PTPN5: variants seen among roughly 807,000 people sequenced by gnomAD.
PTPN5 encodes tyrosine-protein phosphatase non-receptor type 5.
PTPN5 carries 29 observed loss-of-function variants against 73.9 expected under a neutral mutation model. That is an observed-to-expected ratio of 0.39 (90% CI 0.29 to 0.54). PTPN5 has a LOEUF of 0.54. Among genes scored for constraint, PTPN5 ranks in the 20% least tolerant of loss-of-function variants. The pLI is 0.65. For missense variants in PTPN5, 652 were observed against 751.4 expected (o/e 0.87, Z 1.55); for synonymous variants, 267 against 304.7 (o/e 0.88, Z 1.29).
Position 18,790,090 on chromosome 11 carries a change from A to C in PTPN5, c.-114+1435T>G, listed in dbSNP as rs530345680. Among the ~76,000 whole-genome samples the C allele has an allele frequency of 2.0e-5, 3 of 151,158 alleles. No individual in the cohort carries two copies. In the South Asian group the frequency reaches 6.4e-4, roughly 32 times the overall value. On this transcript the variant is annotated intron_variant, in intron 1 of 14. Transcript: ENST00000358540. Reference sequence around the variant, plus strand: ...CCGTCTATGCTTGTACTCCTTCAACACATCTCTCGGGGCACCCTCTCTGCA... The same window carrying C: ...CCGTCTATGCTTGTACTCCTTCAACCCATCTCTCGGGGCACCCTCTCTGCA...
At chr11:18,752,800 G>C (rs1013996154) in intron 3 of PTPN5, among the ~76,000 whole-genome samples, 7 of 152,230 alleles carry the variant, frequency 4.6e-5, no homozygotes, top group African/African-American at 1.4e-4. Flanking sequence ...GACAGCAGAG[G>C]CCCTGCGGCA....
At chr11:18,775,151 A>G (rs2134332444) in intron 1 of PTPN5, among the ~76,000 whole-genome samples, 1 of 152,310 alleles carries the variant, frequency 6.6e-6, no homozygotes. Context: ...AAGTAAAGTG[A>G]CCTGCCTAAG....
At chr11:18,791,176 C>G (rs909874631) in intron 1 of PTPN5, among the ~76,000 whole-genome samples, 4 of 152,240 alleles carry the variant, frequency 2.6e-5, no homozygotes, top group African/African-American at 9.6e-5. Flanking sequence ...GCTTCAGGCT[C>G]CGGAGAGGCG....
At chr11:18,735,973 G>A (rs900599141) in intron 9 of PTPN5, among the ~76,000 whole-genome samples, 1 of 152,138 alleles carries the variant, frequency 6.6e-6, no homozygotes, top group African/African-American at 2.4e-5. Flanking sequence ...AGGATCACAG[G>A]GCTGTCCAGC....
At chr11:18,749,587 T>C (rs1481998574) in intron 3 of PTPN5, 2 of 489,602 alleles carry the variant, frequency 4.1e-6, no homozygotes, top group Non-Finnish European at 8.2e-6. Context: ...ATACATGTAG[T>C]ATGGAGGGAA....
At position 18,742,298 on chromosome 11, in the gene PTPN5, G is replaced by A. The variant is rs764947318; in HGVS notation, c.689C>T (p.Thr230Ile). The A allele has an allele frequency of 7.4e-6, 12 of 1,614,048 alleles. No homozygotes were observed. In the Admixed American group the frequency reaches 1.5e-4, roughly 20 times the overall value. The change falls in exon 7 of 15, where the codon ACC becomes ATC. Residue 230 changes from threonine (T) to isoleucine (I), a missense_variant. This residue lies in a region of PTPN5 where 529 missense variants were observed against 573.9 expected (regional missense o/e 0.92). Coordinates refer to ENST00000358540, the MANE Select transcript of PTPN5 (RefSeq NM_006906.2). The surrounding 1 kb of genome is among the most constrained non-coding windows in gnomAD (Gnocchi z 4.1). ...VMDIKPEADPTSLTVKSMGLQ... is the reference protein window; with the variant it reads ...VMDIKPEADPISLTVKSMGLQ... The stretch of plus-strand genomic sequence containing the variant: ...ACCCATGGACTTGACGGTGAGTGAG[G>A]TGGGGTCAGCCTCAGGCTTGATGTC...
At chr11:18,757,744 C>A (rs762374901) in intron 3 of PTPN5, among the ~76,000 whole-genome samples, 1 of 152,112 alleles carries the variant, frequency 6.6e-6, no homozygotes, top group Non-Finnish European at 1.5e-5. Context: ...TTCCCTAGAC[C>A]CCATATTTTG....
intron 1 of PTPN5, among the ~76,000 whole-genome samples, chr11:18,780,882 G>A (rs535895721): frequency 2.6e-5 from 4 of 152,250 alleles, no homozygotes; most frequent in African/African-American, 9.6e-5. Context: ...AAGATGGGAA[G>A]GAAAGACCAA....
intron 8 of PTPN5, among the ~76,000 whole-genome samples, chr11:18,740,152 G>T (rs1330863291): frequency 6.6e-6 from 1 of 152,220 alleles, no homozygotes; most frequent in Non-Finnish European, 1.5e-5. Context: ...CAGGGTGGAG[G>T]TGATTAGGAC....
chr11:18,756,937 C>A (rs10832978), intron 3 of PTPN5, among the ~76,000 whole-genome samples: 52,022 of 143,062 alleles, frequency 0.36, 9,758 homozygotes, highest in Middle Eastern at 0.49. Flanking sequence ...AAAAAAAAAA[C>A]CAAAAAACAA....
rs1007448366 is a variant in PTPN5, at chr11:18,732,580, C to T, written c.1329+12G>A. ...CATCCTCAGCTTCACCCAGCCCTGC[C>T]CCAGGCCTCACCTTGAGGGAGATGA... is the stretch of plus-strand genomic sequence containing the variant. On this transcript the variant is annotated intron_variant, in intron 12 of 14. Coordinates refer to ENST00000358540, the MANE Select transcript of PTPN5 (RefSeq NM_006906.2). 6.2e-7 allele frequency: 1 copy of T among 1,606,858 alleles called. No homozygotes were observed. Among genetic ancestry groups the T allele is most frequent in the African/African-American group, 1.3e-5 (1 of 74,932 alleles).
intron 3 of PTPN5, chr11:18,744,454 G>A (rs914507907): frequency 1.4e-5 from 5 of 355,608 alleles, no homozygotes; most frequent in Non-Finnish European, 2.5e-5. Context: ...TTTCCAGGGA[G>A]TTAATATAGT....
chr11:18,768,119 T>C (rs538170939), intron 2 of PTPN5, among the ~76,000 whole-genome samples: 7 of 152,350 alleles, frequency 4.6e-5, no homozygotes, highest in South Asian at 4.1e-4. Context: ...GTTCAATAAA[T>C]AAACACTTAT....
At chr11:18,744,467 T>C in intron 3 of PTPN5, 2 of 333,902 alleles carry the variant, frequency 6.0e-6, no homozygotes, top group East Asian at 9.3e-5. Flanking sequence ...AATATAGTTG[T>C]ATTTACGCAG....
At chr11:18,765,656 T>G in intron 3 of PTPN5, 151 bp downstream of exon 3, 1 of 655,910 alleles carries the variant, frequency 1.5e-6, no homozygotes. Flanking sequence ...GAAAAACAAG[T>G]CCCCATTTAA....
chr11:18,773,599 G>A (rs557606171), intron 1 of PTPN5, among the ~76,000 whole-genome samples: 12 of 152,296 alleles, frequency 7.9e-5, no homozygotes, highest in African/African-American at 2.4e-4. Context: ...ACAGCAGTGG[G>A]TCAGAGTCAT....
chr11:18,779,789 C>T (rs146456018), intron 1 of PTPN5, among the ~76,000 whole-genome samples: 1,547 of 152,266 alleles, frequency 0.01, 22 homozygotes, highest in African/African-American at 0.035. Context: ...CCTGGTCCTC[C>T]GGGAAAAGGA....
At chr11:18,743,803 G>C (rs1849486052) in intron 4 of PTPN5, 8 of 612,464 alleles carry the variant, frequency 1.3e-5, no homozygotes, top group Non-Finnish European at 1.9e-5. Flanking sequence ...GGGAGGCAGG[G>C]TGTGAGGTCT....
chr11:18,791,871 C>A (rs557799001), upstream of PTPN5: 4 of 152,020 alleles, frequency 2.6e-5, no homozygotes, highest in African/African-American at 9.7e-5. Flanking sequence ...GGGCTTCCGC[C>A]GCTCGCCGGG....
Sources: allele counts gnomAD v4.1 joint callset (sites outside exome capture counted in the v4.1 genomes callset), GRCh38; gene constraint gnomAD v4.1.1; regional missense constraint gnomAD v4.1.1; non-coding constraint Gnocchi (gnomAD v3.1); transcripts MANE v1.5; gene names NCBI Gene and HGNC (gene_info 2026-07-23, HGNC 2026-07-21).